Variants in NAV3 observed in about 807,000 individuals in gnomAD.
NAV3 encodes the protein pore membrane and/or filament interacting like protein 1.
NAV3 carries 87 observed loss-of-function variants against 244.7 expected under a neutral mutation model. The observed-to-expected ratio is 0.36, with a 90% CI of 0.30 to 0.42. The LOEUF (loss-of-function observed/expected upper bound fraction) is 0.42, where lower values mean the gene tolerates loss of function less well. Among genes scored for constraint, NAV3 ranks in the 20% least tolerant of loss-of-function variants. The pLI is 1.00. For missense variants in NAV3, 2,663 were observed against 2,893.3 expected (o/e 0.92, Z 1.83); for synonymous variants, 1,126 against 1,042.2 (o/e 1.08, Z -1.55).
intron 2 of NAV3, among the ~76,000 whole-genome samples, chr12:77,763,608 G>A (rs189909057): frequency 1.6e-3 from 240 of 152,270 alleles, no homozygotes; most frequent in Non-Finnish European, 2.9e-3. Context: ...ATGAACATCA[G>A]TCAAAATTAA....
At chr12:77,699,530 T>TG (rs1473208332) in intron 2 of NAV3, among the ~76,000 whole-genome samples, 2 of 152,096 alleles carry the variant, frequency 1.3e-5, no homozygotes, top group African/African-American at 4.8e-5. Context: ...TGAAAAGACT[T>TG]GAAAGGCAGG....
chr12:77,904,391 A>G (rs1392148053), intron 1 of NAV3, among the ~76,000 whole-genome samples: 1 of 152,164 alleles, frequency 6.6e-6, no homozygotes, highest in Non-Finnish European at 1.5e-5. Flanking sequence ...AACTATCGCA[A>G]GGACAAAAAA....
chr12:77,739,276 T>A (rs1868285394), intron 2 of NAV3, among the ~76,000 whole-genome samples: 1 of 152,182 alleles, frequency 6.6e-6, no homozygotes, highest in African/African-American at 2.4e-5. Flanking sequence ...TTCTGTATCC[T>A]GATAAACTGC....
intron 8 of NAV3, among the ~76,000 whole-genome samples, chr12:78,009,823 C>A (rs918896025): frequency 7.9e-5 from 12 of 152,216 alleles, no homozygotes; most frequent in Admixed American, 7.9e-4. Context: ...AGAAAATAAT[C>A]CCATGTAAAA....
chr12:77,981,180 G>A (rs1454801577), intron 5 of NAV3, among the ~76,000 whole-genome samples: 1 of 152,112 alleles, frequency 6.6e-6, no homozygotes, highest in African/African-American at 2.4e-5. Context: ...TTAGCAAAAG[G>A]AGAACGTATT....
chr12:78,202,383 T>C (rs1483498924), intron 38 of NAV3, among the ~76,000 whole-genome samples: 4 of 152,096 alleles, frequency 2.6e-5, no homozygotes, highest in Non-Finnish European at 5.9e-5. Context: ...TGTTTACTAA[T>C]AGAAAGCAAA....
intron 12 of NAV3, 65 bp downstream of exon 12, chr12:78,059,180 C>T: frequency 6.8e-7 from 1 of 1,477,406 alleles, no homozygotes; most frequent in Non-Finnish European, 9.2e-7. Flanking sequence ...AAGAAAATAA[C>T]AGAAAACTCC....
At chr12:77,775,746 C>T (rs988785115) in intron 2 of NAV3, 1 of 152,164 alleles carries the variant, frequency 6.6e-6, no homozygotes, top group African/African-American at 2.4e-5. Context: ...TGAGGTAAGT[C>T]ACAAATGACA....
At chr12:77,728,412 G>A (rs1876976574) in intron 2 of NAV3, among the ~76,000 whole-genome samples, 1 of 151,838 alleles carries the variant, frequency 6.6e-6, no homozygotes, top group South Asian at 2.1e-4. Context: ...AAGAATAATT[G>A]GACTATTTCT....
At chr12:77,616,966 A>G (rs995275387) in intron 2 of NAV3, among the ~76,000 whole-genome samples, 1 of 152,194 alleles carries the variant, frequency 6.6e-6, no homozygotes, top group African/African-American at 2.4e-5. Context: ...GCTCTAAAAG[A>G]ACATAATAGA....
At chr12:77,774,860 T>C (rs1049227846) in intron 2 of NAV3, among the ~76,000 whole-genome samples, 2 of 152,202 alleles carry the variant, frequency 1.3e-5, no homozygotes, top group African/African-American at 4.8e-5. Context: ...CAACAGTCTG[T>C]ATAGAAGAAA....
At chr12:78,092,757 C>T (rs1954027051) in intron 12 of NAV3, among the ~76,000 whole-genome samples, 1 of 152,066 alleles carries the variant, frequency 6.6e-6, no homozygotes, top group Non-Finnish European at 1.5e-5. Context: ...GCCTTGGCCT[C>T]CCAAAGTGCT....
intron 8 of NAV3, among the ~76,000 whole-genome samples, chr12:78,021,487 A>T (rs1877139821): frequency 6.6e-6 from 1 of 152,218 alleles, no homozygotes; most frequent in African/African-American, 2.4e-5. Context: ...CTCCCAAATT[A>T]TAATCAACTA....
chr12:78,171,747 A>G (rs1958009143), intron 24 of NAV3, among the ~76,000 whole-genome samples: 1 of 151,550 alleles, frequency 6.6e-6, no homozygotes, highest in African/African-American at 2.4e-5. Flanking sequence ...TTTATACTGG[A>G]AATCACATTG....
At position 78,028,388 on chromosome 12, in the gene NAV3, A is replaced by G. The variant is rs114152684; in HGVS notation, c.2023+6526A>G. Reference sequence around the variant, plus strand: ...ATTTGTGGTGATAAATAGTGAAAACATACATTGACTAGTTTTCCAAGATCA... The same window carrying G: ...ATTTGTGGTGATAAATAGTGAAAACGTACATTGACTAGTTTTCCAAGATCA... On this transcript the variant is annotated intron_variant, in intron 9 of 39. Transcript: ENST00000397909. Among the ~76,000 whole-genome samples the G allele has an allele frequency of 4.2e-3, 646 of 152,338 alleles. 8 individuals are homozygous for G. The highest frequency in any genetic ancestry group is 0.015 in the African/African-American group (613 of 41,578).
At chr12:77,994,444 T>C (rs1333036217) in intron 5 of NAV3, among the ~76,000 whole-genome samples, 2 of 152,238 alleles carry the variant, frequency 1.3e-5, no homozygotes, top group Non-Finnish European at 2.9e-5. Flanking sequence ...TCTTTCATCA[T>C]GTCAGTGAAA....
intron 9 of NAV3, among the ~76,000 whole-genome samples, chr12:78,022,223 G>T (rs868068027): frequency 1.3e-5 from 2 of 152,032 alleles, no homozygotes; most frequent in Admixed American, 6.6e-5. Flanking sequence ...AATTCTGTAT[G>T]ATTTAAAACA....
intron 1 of NAV3, among the ~76,000 whole-genome samples, chr12:77,860,582 C>A (rs540766645): frequency 3.3e-5 from 5 of 151,862 alleles, no homozygotes; most frequent in South Asian, 2.1e-4. Flanking sequence ...TACACCAAAG[C>A]AGATAGTCAT....
intron 22 of NAV3, among the ~76,000 whole-genome samples, chr12:78,152,557 AT>A (rs1957116510): frequency 6.6e-6 from 1 of 151,870 alleles, no homozygotes; most frequent in Admixed American, 6.6e-5. Flanking sequence ...TTTAGATTTC[AT>A]GCATCATAAT....
Sources: gnomAD v4.1 joint callset for allele counts (sites outside exome capture counted in the v4.1 genomes callset) on GRCh38, gnomAD v4.1.1 for gene constraint, MANE v1.5 for transcripts, NCBI Gene and HGNC (gene_info 2026-07-23, HGNC 2026-07-21) for gene names.